OPCML: variants seen among roughly 807,000 people sequenced by gnomAD.
OPCML encodes the protein opioid binding protein/cell adhesion molecule like.
OPCML carries 13 observed loss-of-function variants against 37.8 expected under a neutral mutation model. The ratio of observed to expected loss-of-function variants is 0.34; its 90% CI spans 0.22 to 0.55. The LOEUF is 0.55. Among genes scored for constraint, OPCML ranks in the 20% least tolerant of loss-of-function variants. The pLI, the probability that OPCML is intolerant of heterozygous loss-of-function variation, is 0.91. For missense variants in OPCML, 341 were observed against 435.6 expected (o/e 0.78, Z 1.93); for synonymous variants, 176 against 168.8 (o/e 1.04, Z -0.33).
chr11:133,038,234 G>C (rs949764373), intron 1 of OPCML, among the ~76,000 whole-genome samples: 1 of 152,220 alleles, frequency 6.6e-6, no homozygotes, highest in African/African-American at 2.4e-5. Context: ...TGCCATGTGG[G>C]CCATGCCTTT....
intron 1 of OPCML, among the ~76,000 whole-genome samples, chr11:133,481,694 C>T (rs1012623395): frequency 4.0e-5 from 6 of 151,744 alleles, no homozygotes; most frequent in African/African-American, 9.7e-5. Context: ...AGTTAAGCCT[C>T]GAGAAACAGT....
At chr11:133,310,671 A>T (rs1413869194) in intron 1 of OPCML, among the ~76,000 whole-genome samples, 1 of 152,130 alleles carries the variant, frequency 6.6e-6, no homozygotes, top group Non-Finnish European at 1.5e-5. Context: ...ATGCCCAAGC[A>T]CTATCCTTCC....
intron 1 of OPCML, among the ~76,000 whole-genome samples, chr11:133,490,490 A>G (rs1947631321): frequency 6.6e-6 from 1 of 152,204 alleles, no homozygotes. Context: ...AGGTCAGTGA[A>G]GTAAAACGAG....
intron 1 of OPCML, among the ~76,000 whole-genome samples, chr11:133,370,820 T>C (rs760475656): frequency 1.8e-4 from 28 of 152,098 alleles, no homozygotes; most frequent in Non-Finnish European, 3.4e-4. Flanking sequence ...AATACACCAA[T>C]GGGACTATAT....
chr11:132,597,434 G>C (rs958229747), intron 3 of OPCML, among the ~76,000 whole-genome samples: 3 of 152,126 alleles, frequency 2.0e-5, no homozygotes, highest in African/African-American at 7.2e-5. Context: ...TGATTCTGAC[G>C]ATCTTACTGG....
At chr11:133,311,894 C>A (rs1033563540) in intron 1 of OPCML, among the ~76,000 whole-genome samples, 1 of 152,140 alleles carries the variant, frequency 6.6e-6, no homozygotes, top group Non-Finnish European at 1.5e-5. Flanking sequence ...TGCTTCTCCA[C>A]CAAGAGCTGG....
chr11:133,040,838 G>A (rs1048706657), intron 1 of OPCML, among the ~76,000 whole-genome samples: 1 of 152,102 alleles, frequency 6.6e-6, no homozygotes, highest in Admixed American at 6.5e-5. Context: ...GAAGTACAGG[G>A]AAGCACATCA....
intron 1 of OPCML, chr11:133,297,443 C>T (rs1351354300): frequency 6.6e-6 from 1 of 152,162 alleles, no homozygotes; most frequent in Non-Finnish European, 1.5e-5. Flanking sequence ...TATACAGGTG[C>T]ATTTAACTAC....
At chr11:132,941,056 A>T (rs527666778) in intron 2 of OPCML, among the ~76,000 whole-genome samples, 1 of 152,278 alleles carries the variant, frequency 6.6e-6, no homozygotes, top group South Asian at 2.1e-4. Flanking sequence ...ATAACAGATA[A>T]CAGTTATGCT....
intron 2 of OPCML, among the ~76,000 whole-genome samples, chr11:132,693,591 G>C (rs1208022401): frequency 2.0e-5 from 3 of 152,206 alleles, no homozygotes; most frequent in Admixed American, 6.5e-5. Flanking sequence ...TTCATGGTAA[G>C]TGTTCTGAAG....
chr11:133,093,740 G>A (rs1355138890), intron 1 of OPCML, among the ~76,000 whole-genome samples: 1 of 151,768 alleles, frequency 6.6e-6, no homozygotes, highest in Non-Finnish European at 1.5e-5. Flanking sequence ...TATAGACTGT[G>A]TAGGTTCTTC....
intron 1 of OPCML, among the ~76,000 whole-genome samples, chr11:132,952,352 C>T (rs748194920): frequency 8.5e-5 from 13 of 152,136 alleles, no homozygotes; most frequent in Non-Finnish European, 1.6e-4. Context: ...CCACAGAACA[C>T]AACACTTTGG....
chr11:133,125,515 C>T (rs1366209506), intron 1 of OPCML, among the ~76,000 whole-genome samples: 2 of 150,242 alleles, frequency 1.3e-5, no homozygotes, highest in Non-Finnish European at 3.0e-5. Context: ...TGTATGTGAA[C>T]TGTGTATTAG....
chr11:132,646,773 T>C (rs1941171573), intron 3 of OPCML, among the ~76,000 whole-genome samples: 2 of 152,126 alleles, frequency 1.3e-5, no homozygotes, highest in Non-Finnish European at 2.9e-5. Context: ...GAAAAGAAGA[T>C]AAGTTGAGAG....
Position 133,471,645 on chromosome 11 carries a change from C to T in OPCML, c.61+60619G>A, listed in dbSNP as rs762915159. ...CTTAAAAAAAACAAGAGTAAAAAAC[C>T]GGAGTGGAAGAAGCAATAGAATACT... On this transcript the variant is annotated intron_variant, in intron 1 of 7. Transcript: ENST00000524381. Among the ~76,000 whole-genome samples, 32 of 151,934 alleles carry T rather than the reference C, an allele frequency of 2.1e-4. 1 individual carries two copies. The highest frequency in any genetic ancestry group is 1.3e-3 in the South Asian group (6 of 4,800).
chr11:133,472,098 T>C (rs1947129290), intron 1 of OPCML, among the ~76,000 whole-genome samples: 1 of 152,182 alleles, frequency 6.6e-6, no homozygotes, highest in South Asian at 2.1e-4. Flanking sequence ...TTTTTTCTAC[T>C]GTCAAAAAGA....
chr11:132,771,157 A>C (rs1435715654), intron 2 of OPCML, among the ~76,000 whole-genome samples: 1 of 152,188 alleles, frequency 6.6e-6, no homozygotes, highest in Non-Finnish European at 1.5e-5. Context: ...TCACATGGAA[A>C]AATAGGTTAG....
At chr11:132,623,967 A>G (rs1939583806) in intron 3 of OPCML, among the ~76,000 whole-genome samples, 1 of 152,196 alleles carries the variant, frequency 6.6e-6, no homozygotes, top group African/African-American at 2.4e-5. Flanking sequence ...GCTCTTTTCA[A>G]TTTAACATAT....
chr11:133,078,976 G>A (rs996309052), intron 1 of OPCML, among the ~76,000 whole-genome samples: 2 of 152,016 alleles, frequency 1.3e-5, no homozygotes, highest in African/African-American at 2.4e-5. Flanking sequence ...TTTTTTACTG[G>A]AATCCTTACA....
Sources: allele counts gnomAD v4.1 joint callset (sites outside exome capture counted in the v4.1 genomes callset), GRCh38; gene constraint gnomAD v4.1.1; transcripts MANE v1.5; gene names NCBI Gene and HGNC (gene_info 2026-07-23, HGNC 2026-07-21).